The following EDIL3 variants were observed in gnomAD, a reference collection of about 807,000 sequenced individuals.
EDIL3 encodes EGF like and discoidin domains 3.
In EDIL3, 37 loss-of-function variants were observed where a neutral mutation model predicts 67.4. The observed-to-expected ratio is 0.55, with a 90% CI of 0.42 to 0.72. The LOEUF (loss-of-function observed/expected upper bound fraction) is 0.72, where lower values mean the gene tolerates loss of function less well. Ranked by LOEUF, EDIL3 falls within the 30% of genes least tolerant of loss-of-function variation. The pLI, the probability that EDIL3 is intolerant of heterozygous loss-of-function variation, is 0.00. For synonymous variants in EDIL3, 195 were observed against 196.3 expected (o/e 0.99, Z 0.05); for missense variants, 527 against 586.3 (o/e 0.90, Z 1.04).
chr5:83,948,842 C>T (rs904799581), intron 10 of EDIL3, among the ~76,000 whole-genome samples: 1 of 151,678 alleles, frequency 6.6e-6, no homozygotes, highest in Non-Finnish European at 1.5e-5. Flanking sequence ...CATCCTGAAA[C>T]CATTTCATGA....
intron 3 of EDIL3, among the ~76,000 whole-genome samples, chr5:84,212,850 C>A (rs1266108246): frequency 1.3e-5 from 2 of 152,066 alleles, no homozygotes; most frequent in Non-Finnish European, 2.9e-5. Flanking sequence ...GAAAGAATGT[C>A]TTACGGGACC....
At chr5:84,129,464 CTTTA>C (rs1445706719) in intron 5 of EDIL3, among the ~76,000 whole-genome samples, 1 of 151,772 alleles carries the variant, frequency 6.6e-6, no homozygotes, top group Non-Finnish European at 1.5e-5. Context: ...TAGTCAATTC[CTTTA>C]TTTATTTATT....
intron 9 of EDIL3, among the ~76,000 whole-genome samples, chr5:84,006,997 AACTCATTTTTG>A (rs1305574253): frequency 6.6e-6 from 1 of 152,150 alleles, no homozygotes; most frequent in Non-Finnish European, 1.5e-5. Flanking sequence ...ATCTACAGTA[AACTCATTTTTG>A]ACAAGGCACC....
chr5:84,029,403 C>CT (rs1265512803), intron 9 of EDIL3, among the ~76,000 whole-genome samples: 5 of 152,188 alleles, frequency 3.3e-5, no homozygotes, highest in Non-Finnish European at 7.3e-5. Flanking sequence ...ATGTGGAACT[C>CT]TAAGTCCATT....
rs535343418 is a variant in EDIL3, at chr5:83,971,958, A to T, written c.1138-8598T>A. Among the ~76,000 whole-genome samples, 5 of 152,158 alleles carry T rather than the reference A, an allele frequency of 3.3e-5. No individual in the cohort carries two copies. The East Asian group carries it at 9.7e-4, about 30-fold the overall frequency. Reference sequence around the variant, plus strand: ...TTCTGTTATTTTTTATTCAATGGAGATTTTGCTGAGATAACTGAACATCCA... The same window carrying T: ...TTCTGTTATTTTTTATTCAATGGAGTTTTTGCTGAGATAACTGAACATCCA... On this transcript the variant is annotated intron_variant, in intron 9 of 10. Transcript: ENST00000296591.
intron 1 of EDIL3, among the ~76,000 whole-genome samples, chr5:84,314,202 A>C (rs959349568): frequency 3.9e-5 from 6 of 152,178 alleles, no homozygotes; most frequent in African/African-American, 1.4e-4. Flanking sequence ...ATCTCAAAAA[A>C]AGAAAAAAAG....
At chr5:83,991,546 C>G (rs996826135) in intron 9 of EDIL3, among the ~76,000 whole-genome samples, 9 of 152,132 alleles carry the variant, frequency 5.9e-5, no homozygotes, top group African/African-American at 2.2e-4. Flanking sequence ...ATTTCCTCAA[C>G]ACTGTACCCA....
intron 1 of EDIL3, among the ~76,000 whole-genome samples, chr5:84,373,179 C>T (rs917149907): frequency 5.3e-5 from 8 of 152,062 alleles, no homozygotes; most frequent in African/African-American, 7.2e-5. Flanking sequence ...AACTACACCC[C>T]GTCATTCCTT....
intron 1 of EDIL3, among the ~76,000 whole-genome samples, chr5:84,308,901 C>A (rs1002820006): frequency 6.6e-6 from 1 of 152,066 alleles, no homozygotes; most frequent in African/African-American, 2.4e-5. Context: ...ACGGAAGTGG[C>A]GAAAATTCCA....
chr5:84,258,303 T>C (rs1220201331), intron 1 of EDIL3, among the ~76,000 whole-genome samples: 2 of 152,196 alleles, frequency 1.3e-5, no homozygotes, highest in Non-Finnish European at 2.9e-5. Flanking sequence ...CAACTTGCGA[T>C]ATAGGTATGA....
chr5:84,138,142 C>A (rs1405094992), intron 4 of EDIL3, among the ~76,000 whole-genome samples: 1 of 152,142 alleles, frequency 6.6e-6, no homozygotes, highest in Admixed American at 6.5e-5. Context: ...TAGCAAAGCA[C>A]CATGCTGGAT....
intron 5 of EDIL3, among the ~76,000 whole-genome samples, chr5:84,117,471 T>A (rs1747691480): frequency 6.6e-6 from 1 of 152,178 alleles, no homozygotes; most frequent in Non-Finnish European, 1.5e-5. Context: ...CAACAAAATA[T>A]CCATAATGGG....
chr5:84,362,107 A>G (rs903423496), intron 1 of EDIL3, among the ~76,000 whole-genome samples: 6 of 152,116 alleles, frequency 3.9e-5, no homozygotes, highest in Non-Finnish European at 8.8e-5. Flanking sequence ...TTTTAATTAT[A>G]AACATATATT....
intron 1 of EDIL3, among the ~76,000 whole-genome samples, chr5:84,379,322 C>G (rs1239681498): frequency 6.6e-6 from 1 of 152,138 alleles, no homozygotes; most frequent in Non-Finnish European, 1.5e-5. Context: ...AAATTAATAA[C>G]TGGCTTAAAT....
At chr5:84,379,314 A>G (rs1387592632) in intron 1 of EDIL3, among the ~76,000 whole-genome samples, 1 of 152,144 alleles carries the variant, frequency 6.6e-6, no homozygotes, top group Non-Finnish European at 1.5e-5. Flanking sequence ...ATATATAGAA[A>G]TTAATAACTG....
chr5:84,362,801 A>T (rs924822289), intron 1 of EDIL3, among the ~76,000 whole-genome samples: 10 of 152,294 alleles, frequency 6.6e-5, no homozygotes, highest in Middle Eastern at 6.8e-3. Flanking sequence ...CAGTAGCAAC[A>T]TTTTAAATAT....
chr5:84,287,381 C>T (rs960495026), intron 1 of EDIL3, among the ~76,000 whole-genome samples: 8 of 152,088 alleles, frequency 5.3e-5, no homozygotes, highest in African/African-American at 1.9e-4. Context: ...TCCAGATCAT[C>T]GTCAGCAGGA....
intron 1 of EDIL3, among the ~76,000 whole-genome samples, chr5:84,377,376 G>A (rs568844429): frequency 4.6e-5 from 7 of 151,506 alleles, no homozygotes; most frequent in Non-Finnish European, 8.8e-5. Context: ...CCTGTAGGTG[G>A]GAGACTGCTC....
At chr5:84,323,565 T>C (rs1341034140) in intron 1 of EDIL3, among the ~76,000 whole-genome samples, 1 of 151,912 alleles carries the variant, frequency 6.6e-6, no homozygotes, top group African/African-American at 2.4e-5. Context: ...TATCCCTCTT[T>C]ATCAGTAACC....
Sources: gnomAD v4.1 joint callset for allele counts (sites outside exome capture counted in the v4.1 genomes callset) on GRCh38, gnomAD v4.1.1 for gene constraint, MANE v1.5 for transcripts, NCBI Gene and HGNC (gene_info 2026-07-23, HGNC 2026-07-21) for gene names.